HEMK2: variants seen among roughly 807,000 people sequenced by gnomAD.
HEMK2 encodes the protein methyltransferase HEMK2.
chr21:28,672,382 G>A, the HEMK2 span, among the ~76,000 whole-genome samples: 1 of 151,886 alleles, frequency 6.6e-6, no homozygotes, highest in African/African-American at 2.4e-5. Flanking sequence ...ATTTTCCAAG[G>A]AGAGGACTGC....
chr21:28,685,911 G>C, the HEMK2 span, among the ~76,000 whole-genome samples: 2 of 152,204 alleles, frequency 1.3e-5, no homozygotes, highest in African/African-American at 4.8e-5. Flanking sequence ...CTCCCACAGA[G>C]GCTGGGAGAC....
At chr21:28,856,337 C>A in the HEMK2 span, among the ~76,000 whole-genome samples, 1 of 151,982 alleles carries the variant, frequency 6.6e-6, no homozygotes, top group Non-Finnish European at 1.5e-5. Context: ...ATTGTTTCAA[C>A]CTGGGAGGTG....
chr21:28,791,150 T>C, the HEMK2 span, among the ~76,000 whole-genome samples: 1 of 152,156 alleles, frequency 6.6e-6, no homozygotes, highest in East Asian at 1.9e-4. Flanking sequence ...GTTGCTTTTT[T>C]AGAATCCCAA....
the HEMK2 span, among the ~76,000 whole-genome samples, chr21:28,817,494 G>C: frequency 6.6e-6 from 1 of 152,136 alleles, no homozygotes; most frequent in Non-Finnish European, 1.5e-5. Context: ...GTAGGGTTGG[G>C]CAAAGAGGAC....
chr21:28,741,574 C>CA, the HEMK2 span, among the ~76,000 whole-genome samples: 2 of 152,110 alleles, frequency 1.3e-5, no homozygotes, highest in African/African-American at 2.4e-5. Flanking sequence ...CACTAGGCCC[C>CA]AGCGGGTGTT....
the HEMK2 span, chr21:28,878,465 A>G: frequency 3.3e-6 from 3 of 912,786 alleles, no homozygotes; most frequent in Non-Finnish European, 5.0e-6. Context: ...GGAGCAGTCA[A>G]GTTGAATCTA....
At chr21:28,858,473 A>T in the HEMK2 span, among the ~76,000 whole-genome samples, 3 of 152,156 alleles carry the variant, frequency 2.0e-5, no homozygotes, top group Non-Finnish European at 4.4e-5. Context: ...TTCCCGTTTC[A>T]GGAGACTTGC....
At chr21:28,670,632 G>A in the HEMK2 span, among the ~76,000 whole-genome samples, 1 of 152,318 alleles carries the variant, frequency 6.6e-6, no homozygotes, top group Middle Eastern at 3.4e-3. Flanking sequence ...GTTAGAAAGT[G>A]TATTAGTCCG....
the HEMK2 span, among the ~76,000 whole-genome samples, chr21:28,748,139 C>G: frequency 6.6e-6 from 1 of 152,174 alleles, no homozygotes; most frequent in African/African-American, 2.4e-5. Flanking sequence ...GGAGCAAGGG[C>G]TGAAAAGCTA....
chr21:28,840,685 A>C, the HEMK2 span, among the ~76,000 whole-genome samples: 1 of 152,136 alleles, frequency 6.6e-6, no homozygotes, highest in Non-Finnish European at 1.5e-5. Flanking sequence ...CCATAATCAA[A>C]AAATCAAAAA....
the HEMK2 span, among the ~76,000 whole-genome samples, chr21:28,747,961 T>C: frequency 1.3e-5 from 2 of 152,244 alleles, no homozygotes; most frequent in African/African-American, 4.8e-5. Flanking sequence ...GTTGACATTC[T>C]CTTCTCAACG....
At chr21:28,746,805 G>T in the HEMK2 span, among the ~76,000 whole-genome samples, 1 of 152,192 alleles carries the variant, frequency 6.6e-6, no homozygotes, top group Non-Finnish European at 1.5e-5. Context: ...TGGCAGGGGT[G>T]AGAAGGGAAG....
the HEMK2 span, among the ~76,000 whole-genome samples, chr21:28,767,995 C>T: frequency 1.3e-5 from 2 of 151,938 alleles, no homozygotes; most frequent in Admixed American, 6.6e-5. Flanking sequence ...GTTAGTTATT[C>T]GGGTCCATAT....
the HEMK2 span, among the ~76,000 whole-genome samples, chr21:28,830,282 C>T: frequency 6.6e-5 from 10 of 152,178 alleles, no homozygotes; most frequent in Admixed American, 6.5e-4. Flanking sequence ...GGGCAGATTT[C>T]TCCCTTGCTC....
the HEMK2 span, among the ~76,000 whole-genome samples, chr21:28,884,626 A>C: frequency 1.3e-5 from 2 of 152,240 alleles, no homozygotes; most frequent in South Asian, 4.1e-4. Context: ...TTTTTTTGGT[A>C]ACAATTAAAT....
At chr21:28,788,300 ACACAT>A in the HEMK2 span, among the ~76,000 whole-genome samples, 283 of 150,680 alleles carry the variant, frequency 1.9e-3, 1 homozygote, top group Admixed American at 0.015. Flanking sequence ...ACACACACAC[ACACAT>A]ATATATGTGT....
chr21:28,814,638 C>G, the HEMK2 span, among the ~76,000 whole-genome samples: 1 of 152,108 alleles, frequency 6.6e-6, no homozygotes, highest in Non-Finnish European at 1.5e-5. Context: ...AAATGCTCAT[C>G]ATCACTGGCC....
the HEMK2 span, among the ~76,000 whole-genome samples, chr21:28,860,039 A>G: frequency 3.1e-3 from 477 of 152,260 alleles, 5 homozygotes; most frequent in African/African-American, 0.011. Flanking sequence ...TATAGGCTCA[A>G]GTTGACAAGG....
chr21:28,721,256 C>A, the HEMK2 span, among the ~76,000 whole-genome samples: 2 of 152,126 alleles, frequency 1.3e-5, no homozygotes, highest in African/African-American at 4.8e-5. Flanking sequence ...GCTGGGACTA[C>A]AGGCATGCAC....
Sources: allele counts gnomAD v4.1 joint callset (sites outside exome capture counted in the v4.1 genomes callset), GRCh38; gene constraint gnomAD v4.1.1; transcripts MANE v1.5; gene names NCBI Gene and HGNC (gene_info 2026-07-23, HGNC 2026-07-21).